CD1E: variants seen among roughly 807,000 people sequenced by gnomAD.
CD1E encodes CD1e molecule.
In CD1E, 49 loss-of-function variants were observed where a neutral mutation model predicts 40.1. The ratio of observed to expected loss-of-function variants is 1.22; its 90% confidence interval spans 0.97 to 1.55. CD1E has a LOEUF of 1.55. Among genes scored for constraint, CD1E ranks in the 40% most tolerant of loss-of-function variants. The pLI is 0.00. For missense variants in CD1E, 492 were observed against 471.3 expected (o/e 1.04, Z -0.41); for synonymous variants, 189 against 178.3 (o/e 1.06, Z -0.48).
At chr1:158,355,153 TTTTCTTC>T in intron 2 of CD1E, 140 bp from the exon 3 acceptor site, 1 of 653,590 alleles carries the variant, frequency 1.5e-6, no homozygotes. Context: ...TTCCCACAAA[TTTTCTTC>T]CCCTTTGCCA....
intron 3 of CD1E, 69 bp downstream of exon 3, chr1:158,355,638 A>G (rs1653537767): frequency 1.9e-5 from 29 of 1,523,548 alleles, no homozygotes; most frequent in Non-Finnish European, 2.5e-5. Flanking sequence ...TTTGCCTCTC[A>G]TCATCATTTT....
chr1:158,356,305 G>A, intron 4 of CD1E, 193 bp from the exon 5 acceptor site: 1 of 776,778 alleles, frequency 1.3e-6, no homozygotes, highest in South Asian at 1.9e-5. Context: ...ACAGAAAAAG[G>A]AGGAGGAACT....
intron 1 of CD1E, 59 bp downstream of exon 1, chr1:158,354,105 G>A: frequency 1.4e-6 from 2 of 1,437,840 alleles, no homozygotes; most frequent in East Asian, 2.3e-5. Flanking sequence ...CTGAGAGGAA[G>A]CTCTGGGGAG....
Position 158,356,576 on chromosome 1 carries a change from G to T in CD1E, c.983G>T (p.Arg328Leu). 6.2e-7 allele frequency: 1 copy of T among 1,612,916 alleles called. No individual in the cohort carries two copies. The highest frequency in any genetic ancestry group is 1.1e-5 in the South Asian group (1 of 90,968). ...TLVILVVVDS[R>L]LKKQSSNKNI... ...GTCATATTGGTTGTAGTTGACTCACGGTTAAAAAAACAGAGGTGAGCTTTT... is the reference window on the plus strand; with the variant it reads ...GTCATATTGGTTGTAGTTGACTCACTGTTAAAAAAACAGAGGTGAGCTTTT... The change falls in exon 5 of 6, where the codon CGG becomes CTG. Residue 328 changes from arginine to leucine, a missense_variant. By Grantham distance (102) the Arg-to-Leu change is moderately radical (BLOSUM62 -2). Coordinates refer to ENST00000368167, the MANE Select transcript of CD1E (RefSeq NM_030893.4).
In CD1E at chr1:158,356,215, G is replaced by A. The variant is rs531487835; in HGVS notation, c.904+110G>A. 3.2e-3 allele frequency: 4,007 copies of A among 1,271,386 alleles called. 60 individuals carry two copies. The highest frequency in any genetic ancestry group is 0.024 in the South Asian group (1,670 of 68,664). The allele number at this position is 1,271,386 out of a possible 1,614,324, so 78.8% of individuals were successfully genotyped here. ...TGCTAGGTACAAGAAGGGTAAAACT[G>A]GGACAATCAAAATAAAGAAGGATAG... On this transcript the variant is annotated intron_variant, in intron 4 of 5. Transcript: ENST00000368167.
At chr1:158,354,103 A>G in intron 1 of CD1E, 57 bp downstream of exon 1, 1 of 1,473,994 alleles carries the variant, frequency 6.8e-7, no homozygotes, top group South Asian at 1.1e-5. Context: ...GGCTGAGAGG[A>G]AGCTCTGGGG....
Position 158,354,464 on chromosome 1 carries a change from G to A in CD1E, c.146G>A (p.Ser49Asn). ...MLQTSSFANH[S>N]WAHSEGSGWL... is the part of the protein sequence containing the mutation. ...CAAACTTCCTCCTTTGCCAACCACAGCTGGGCACACAGTGAGGGCTCAGGA... is the reference window on the plus strand; with the variant it reads ...CAAACTTCCTCCTTTGCCAACCACAACTGGGCACACAGTGAGGGCTCAGGA... Residue 49 changes from serine to asparagine, a missense_variant, in exon 2 of 6, where the codon AGC becomes AAC. Physicochemically the swap from Ser to Asn is conservative, Grantham distance 46. Coordinates refer to ENST00000368167, the MANE Select transcript of CD1E (RefSeq NM_030893.4). 6.2e-7 allele frequency: 1 copy of A among 1,614,052 alleles called. No individual in the cohort carries two copies. The highest frequency in any genetic ancestry group is 8.5e-7 in the Non-Finnish European group (1 of 1,180,034).
In CD1E at chr1:158,357,018, G is replaced by T; in HGVS notation, c.*122G>T. 2.7e-6 allele frequency: 2 copies of T among 740,310 alleles called. No homozygotes were observed. The highest frequency in any genetic ancestry group is 2.7e-5 in the East Asian group (1 of 37,434). The allele number at this position is 740,310 out of a possible 1,614,324, so 45.9% of individuals were successfully genotyped here. A position where few individuals can be genotyped will look rare whatever the true frequency, so the allele number is the denominator to read the frequency against. ...ACTAGCAAAGATACTGACCCCTTTA[G>T]GAATACTTTTTCCCCATCTTCCAGA... On this transcript the variant is annotated 3_prime_UTR_variant, in exon 6 of 6. Coordinates refer to ENST00000368167, the MANE Select transcript of CD1E (RefSeq NM_030893.4).
rs751436015 is a variant in CD1E, at chr1:158,356,053, C to T, written c.852C>T (p.Ser284=). The change falls in exon 4 of 6, where the codon TCC becomes TCT. Residue 284 remains serine (S), a synonymous_variant. Transcript: ENST00000368167. ...CGGCTGGGGAGGCAGCTGGCCTGTC[C>T]TGTCGGGTGAAACACAGCAGTCTAG... ...DVAAGEAAGL[S]CRVKHSSLGG... 4.3e-5 allele frequency: 70 copies of T among 1,613,904 alleles called. No homozygotes were observed. The highest frequency in any genetic ancestry group is 5.8e-5 in the Non-Finnish European group (69 of 1,179,946).
chr1:158,355,019 T>G (rs1436137273), intron 2 of CD1E, among the ~76,000 whole-genome samples: 1 of 152,216 alleles, frequency 6.6e-6, no homozygotes, highest in Non-Finnish European at 1.5e-5. Flanking sequence ...TGACATGGAC[T>G]GGCCTGTACC....
intron 2 of CD1E, among the ~76,000 whole-genome samples, chr1:158,355,050 A>G (rs1653448806): frequency 6.6e-6 from 1 of 152,072 alleles, no homozygotes; most frequent in Admixed American, 6.5e-5. Context: ...CACGTGAATT[A>G]TTTATGACCA....
chr1:158,355,440 C>A lies in CD1E; in HGVS notation c.496C>A (p.Gln166Lys), dbSNP rs1000936446. 6.2e-7 allele frequency: 1 copy of A among 1,613,942 alleles called. No individual in the cohort carries two copies. Among genetic ancestry groups the A allele is most frequent in the Admixed American group, 1.7e-5 (1 of 59,996 alleles). Residue 166 changes from glutamine to lysine, a missense_variant, in exon 3 of 6, where the codon CAG becomes AAG. Physicochemically the swap from Gln to Lys is moderately conservative, Grantham distance 53 (BLOSUM62 1). Coordinates refer to ENST00000368167, the MANE Select transcript of CD1E (RefSeq NM_030893.4). ...ATCTCCAGGAGCAGGGATCCGGGCCCAGAACATCTGTAAAGTGCTCAATCG... is the reference window on the plus strand; with the variant it reads ...ATCTCCAGGAGCAGGGATCCGGGCCAAGAACATCTGTAAAGTGCTCAATCG... ...EPSPGAGIRAQNICKVLNRYL... is the reference protein window; with the variant it reads ...EPSPGAGIRAKNICKVLNRYL...
At position 158,354,632 on chromosome 1, in the gene CD1E, T is replaced by C. The variant is rs763253011; in HGVS notation, c.314T>C (p.Ile105Thr). Residue 105 changes from isoleucine to threonine, a missense_variant, in exon 2 of 6, where the codon ATC becomes ACC. Coordinates refer to ENST00000368167, the MANE Select transcript of CD1E (RefSeq NM_030893.4). ...TTCCAGTTATACTTCCATAGTTTTA[T>C]CCAGATAGTGCAAGCTTCTGCTGGT... ...SLFQLYFHSFIQIVQASAGQF... is the reference protein window; with the variant it reads ...SLFQLYFHSFTQIVQASAGQF... The C allele has an allele frequency of 2.5e-6, 4 of 1,614,048 alleles. No homozygotes were observed. The East Asian group carries it at 8.9e-5, about 36-fold the overall frequency.
chr1:158,355,056 G>T (rs1476889201), intron 2 of CD1E, among the ~76,000 whole-genome samples: 1 of 151,902 alleles, frequency 6.6e-6, no homozygotes, highest in Non-Finnish European at 1.5e-5. Context: ...AATTATTTAT[G>T]ACCAATCTCC....
At chr1:158,354,238 G>A in intron 1 of CD1E, 139 bp from the exon 2 acceptor site, 2 of 959,334 alleles carry the variant, frequency 2.1e-6, no homozygotes, top group South Asian at 3.2e-5. Context: ...GAGAAAGGAA[G>A]CTGGCCCCAC....
At chr1:158,355,243 T>A (rs1283166841) in intron 2 of CD1E, 57 bp from the exon 3 acceptor site, 1 of 1,544,210 alleles carries the variant, frequency 6.5e-7, no homozygotes, top group Non-Finnish European at 8.8e-7. Context: ...CTAAATTGTT[T>A]GTTTTTCTTC....
Position 158,354,583 on chromosome 1 carries a change from G to A in CD1E, c.265G>A (p.Glu89Lys), listed in dbSNP as rs758720355. ...PWSHGNFSKQELKNLQSLFQL... is the reference protein window; with the variant it reads ...PWSHGNFSKQKLKNLQSLFQL... ...GTCCCATGGAAACTTCAGCAAGCAG[G>A]AGCTGAAAAACTTACAGTCACTGTT... The change falls in exon 2 of 6, where the codon GAG becomes AAG. Residue 89 changes from glutamate (E) to lysine (K), a missense_variant. Physicochemically the swap from Glu to Lys is moderately conservative, Grantham distance 56. Transcript: ENST00000368167. 2.5e-5 allele frequency: 41 copies of A among 1,613,970 alleles called. 1 individual carries two copies. In the Middle Eastern group the frequency reaches 4.9e-4, roughly 19 times the overall value.
chr1:158,354,714 C>T, intron 2 of CD1E, 41 bp downstream of exon 2: 1 of 1,553,566 alleles, frequency 6.4e-7, no homozygotes, highest in Non-Finnish European at 8.8e-7. Flanking sequence ...CCTGGGAACA[C>T]CAACTATTTT....
Position 158,356,024 on chromosome 1 carries a change from G to A in CD1E, c.823G>A (p.Val275Met). ...ETWYLRATLD[V>M]AAGEAAGLSC... is the part of the protein sequence containing the mutation. ...ATGGTATCTCCGAGCAACCCTGGAT[G>A]TGGCGGCTGGGGAGGCAGCTGGCCT... Residue 275 changes from valine to methionine, a missense_variant, in exon 4 of 6, where the codon GTG becomes ATG. Coordinates refer to ENST00000368167, the MANE Select transcript of CD1E (RefSeq NM_030893.4). 6.2e-7 allele frequency: 1 copy of A among 1,614,182 alleles called. No individual in the cohort carries two copies. Among genetic ancestry groups the A allele is most frequent in the South Asian group, 1.1e-5 (1 of 91,078 alleles).
Sources: gnomAD v4.1 joint callset for allele counts (sites outside exome capture counted in the v4.1 genomes callset) on GRCh38, gnomAD v4.1.1 for gene constraint, MANE v1.5 for transcripts, NCBI Gene and HGNC (gene_info 2026-07-23, HGNC 2026-07-21) for gene names.